LRRC8D: variants seen among roughly 807,000 people sequenced by gnomAD.
LRRC8D encodes volume-regulated anion channel subunit LRRC8D.
In LRRC8D, 20 loss-of-function variants were observed where a neutral mutation model predicts 55.8. That is an observed-to-expected ratio of 0.36 (90% CI 0.25 to 0.52). The LOEUF is 0.52. Ranked by LOEUF, LRRC8D falls within the 20% of genes least tolerant of loss-of-function variation. The probability of loss-of-function intolerance (pLI) is 0.93; values close to 1 mark genes in which losing one functional copy is unlikely to be tolerated. For missense variants in LRRC8D, 651 were observed against 1,030.8 expected (o/e 0.63, Z 5.05); for synonymous variants, 352 against 377.0 (o/e 0.93, Z 0.77).
At chr1:89,890,613 A>G (rs533246870) in intron 2 of LRRC8D, among the ~76,000 whole-genome samples, 136 of 152,290 alleles carry the variant, frequency 8.9e-4, no homozygotes, top group African/African-American at 3.2e-3. Flanking sequence ...TTTTGGAATT[A>G]TCTTTTGACT....
At chr1:89,841,758 G>T (rs1570810157) in intron 1 of LRRC8D, among the ~76,000 whole-genome samples, 2 of 152,146 alleles carry the variant, frequency 1.3e-5, no homozygotes, top group East Asian at 3.9e-4. Context: ...GTAGGTAATG[G>T]AAAAAGCCAG....
chr1:89,933,783 T>G lies in LRRC8D; in HGVS notation c.715T>G (p.Ser239Ala). ...TGAQTLPKHV[S>A]TSSDEGSPSA... ...TGCCCAGACTCTACCAAAGCATGTT[T>G]CTACCAGCAGTGATGAAGGGAGCCC... is the stretch of plus-strand genomic sequence containing the variant. The change falls in exon 3 of 3, where the codon TCT becomes GCT. Residue 239 changes from serine (S) to alanine (A), a missense_variant. By Grantham distance (99) the Ser-to-Ala change is moderately conservative. This residue lies in a region of LRRC8D where 178 missense variants were observed against 374.9 expected (regional missense o/e 0.47). Coordinates refer to ENST00000337338, the MANE Select transcript of LRRC8D (RefSeq NM_001134479.2). This position sits in a 1 kb window ranked among gnomAD's most constrained non-coding sequence, Gnocchi z 7.0. 6.2e-7 allele frequency: 1 copy of G among 1,614,146 alleles called. No homozygotes were observed. The highest frequency in any genetic ancestry group is 8.5e-7 in the Non-Finnish European group (1 of 1,180,000).
intron 2 of LRRC8D, among the ~76,000 whole-genome samples, chr1:89,901,111 G>A (rs1662839504): frequency 1.3e-5 from 2 of 152,200 alleles, no homozygotes; most frequent in South Asian, 2.1e-4. Context: ...ATCAAAAACA[G>A]AGTGACAACC....
intron 2 of LRRC8D, among the ~76,000 whole-genome samples, chr1:89,916,096 C>G (rs1384304388): frequency 1.3e-5 from 2 of 152,226 alleles, no homozygotes; most frequent in East Asian, 1.9e-4. Flanking sequence ...TCCTACATCT[C>G]TACTAATGCT....
chr1:89,830,485 A>T (rs1660861548), intron 1 of LRRC8D, among the ~76,000 whole-genome samples: 1 of 152,208 alleles, frequency 6.6e-6, no homozygotes, highest in Non-Finnish European at 1.5e-5. Flanking sequence ...TTCTGTACCA[A>T]GCAGAAATTA....
intron 2 of LRRC8D, among the ~76,000 whole-genome samples, chr1:89,890,374 G>T (rs553192056): frequency 3.3e-5 from 5 of 152,178 alleles, no homozygotes; most frequent in Admixed American, 1.3e-4. Context: ...ACTAATTCAG[G>T]GATGTTCTCA....
intron 2 of LRRC8D, among the ~76,000 whole-genome samples, chr1:89,908,951 A>G (rs1188116250): frequency 6.6e-6 from 1 of 152,084 alleles, no homozygotes; most frequent in Non-Finnish European, 1.5e-5. Flanking sequence ...AATACCCTCA[A>G]CGTGTTCCTT....
At chr1:89,907,396 G>A (rs1663024396) in intron 2 of LRRC8D, among the ~76,000 whole-genome samples, 1 of 152,006 alleles carries the variant, frequency 6.6e-6, no homozygotes, top group South Asian at 2.1e-4. Flanking sequence ...TTGCCATGTT[G>A]GCCAGGCTGG....
chr1:89,840,982 G>A (rs1661117488), intron 1 of LRRC8D, among the ~76,000 whole-genome samples: 1 of 152,198 alleles, frequency 6.6e-6, no homozygotes, highest in African/African-American at 2.4e-5. Context: ...TAAAATGAGA[G>A]AAGTTTCTAG....
At chr1:89,910,045 A>G (rs901116989) in intron 2 of LRRC8D, among the ~76,000 whole-genome samples, 2 of 152,190 alleles carry the variant, frequency 1.3e-5, no homozygotes, top group South Asian at 4.1e-4. Flanking sequence ...CAGTAGGCCT[A>G]AGTGAGTTGT....
At chr1:89,925,124 C>T (rs1663525071) in intron 2 of LRRC8D, among the ~76,000 whole-genome samples, 2 of 152,174 alleles carry the variant, frequency 1.3e-5, no homozygotes, top group Admixed American at 1.3e-4. Flanking sequence ...GTTGACATTA[C>T]TGCCTTAGCT....
chr1:89,896,333 G>A (rs140728327), intron 2 of LRRC8D, among the ~76,000 whole-genome samples: 2 of 152,256 alleles, frequency 1.3e-5, no homozygotes, highest in African/African-American at 4.8e-5. Flanking sequence ...TAGAGATCGT[G>A]TCGTCTGACA....
chr1:89,850,168 AC>A (rs1217856213), intron 2 of LRRC8D, among the ~76,000 whole-genome samples: 1 of 152,178 alleles, frequency 6.6e-6, no homozygotes, highest in African/African-American at 2.4e-5. Context: ...TTTTGGTGCT[AC>A]CCCTAGGATG....
At chr1:89,834,252 A>C (rs1660952985) in intron 1 of LRRC8D, among the ~76,000 whole-genome samples, 1 of 152,230 alleles carries the variant, frequency 6.6e-6, no homozygotes, top group Non-Finnish European at 1.5e-5. Flanking sequence ...TTTTGAGTAA[A>C]AGCAAATGCT....
At chr1:89,838,912 A>G (rs1313420134) in intron 1 of LRRC8D, among the ~76,000 whole-genome samples, 2 of 152,214 alleles carry the variant, frequency 1.3e-5, no homozygotes, top group Non-Finnish European at 2.9e-5. Context: ...CTATTACAAA[A>G]TACATGTTTA....
chr1:89,932,543 C>A (rs987798873), intron 2 of LRRC8D, among the ~76,000 whole-genome samples: 1 of 152,182 alleles, frequency 6.6e-6, no homozygotes, highest in South Asian at 2.1e-4. Context: ...TTTCCAACAA[C>A]CCTTAGAAGT....
chr1:89,912,448 A>G (rs1331081362), intron 2 of LRRC8D, among the ~76,000 whole-genome samples: 1 of 145,858 alleles, frequency 6.9e-6, no homozygotes, highest in Non-Finnish European at 1.5e-5. Context: ...ACAAAGGACT[A>G]TCTTGTTCTC....
rs531809678 is a variant in LRRC8D at position 89,837,138 on chromosome 1, C to T, written c.-147-6500C>T. ...CCTTTCAGTTGCTAATTCAGTTGTG[C>T]TGTAGCCAGGCAATCCTGGAGCCTT... On this transcript the variant is annotated intron_variant, in intron 1 of 2. Transcript: ENST00000337338. 8.5e-5 allele frequency among the ~76,000 whole-genome samples: 13 copies of T among 152,352 alleles called. No homozygotes were observed. The East Asian group carries it at 1.5e-3, about 18-fold the overall frequency.
At chr1:89,830,436 C>A (rs1472594856) in intron 1 of LRRC8D, among the ~76,000 whole-genome samples, 1 of 152,196 alleles carries the variant, frequency 6.6e-6, no homozygotes, top group Non-Finnish European at 1.5e-5. Context: ...TTCACCTGTT[C>A]TAAATTCTTT....
Sources: gnomAD v4.1 joint callset for allele counts (sites outside exome capture counted in the v4.1 genomes callset) on GRCh38, gnomAD v4.1.1 for gene constraint, gnomAD v4.1.1 regional missense constraint, Gnocchi (gnomAD v3.1) non-coding constraint, MANE v1.5 for transcripts, NCBI Gene and HGNC (gene_info 2026-07-23, HGNC 2026-07-21) for gene names.